The following NPRL2 variants were observed in gnomAD, a reference collection of about 807,000 sequenced individuals.
NPRL2 encodes NPR2 like, GATOR1 complex subunit.
A neutral mutation model predicts 51.1 loss-of-function variants in NPRL2; 21 were observed. The observed-to-expected ratio is 0.41, with a 90% CI of 0.29 to 0.59. The LOEUF is 0.59. NPRL2 is among the 20% of genes least tolerant of loss of function. NPRL2 has a pLI of 0.29. For synonymous variants in NPRL2, 175 were observed against 187.8 expected (o/e 0.93, Z 0.56); for missense variants, 376 against 483.4 (o/e 0.78, Z 2.08).
Position 50,347,517 on chromosome 3 carries a change from G to A in NPRL2, c.*89C>T. Reference sequence around the variant, plus strand: ...TTTGAAATGGATGTCTTTATTTACAGAACTAAGAGTCAACCTCTAGACAGT... The same window carrying A: ...TTTGAAATGGATGTCTTTATTTACAAAACTAAGAGTCAACCTCTAGACAGT... On this transcript the variant is annotated 3_prime_UTR_variant, in exon 11 of 11. Coordinates refer to ENST00000232501, the MANE Select transcript of NPRL2 (RefSeq NM_006545.5). 2 of 1,514,382 alleles carry A rather than the reference G, an allele frequency of 1.3e-6. No homozygotes were observed. The highest frequency in any genetic ancestry group is 1.8e-6 in the Non-Finnish European group (2 of 1,092,710). The allele number at this position is 1,514,382 out of a possible 1,614,324, so 93.8% of individuals were successfully genotyped here.
In NPRL2 at chr3:50,350,183, G is replaced by A. The variant is rs587767518; in HGVS notation, c.79-161C>T. Reference sequence around the variant, plus strand: ...TACTTCTTTCTGTTTCCAAACATACGCTATGATCTCACCTCCTTCCTGGCT... The same window carrying A: ...TACTTCTTTCTGTTTCCAAACATACACTATGATCTCACCTCCTTCCTGGCT... On this transcript the variant is annotated intron_variant, in intron 1 of 10. Transcript: ENST00000232501. The surrounding 1 kb of genome is among the most constrained non-coding windows in gnomAD (Gnocchi z 5.7). 290 of 627,344 alleles carry A rather than the reference G, an allele frequency of 4.6e-4. No individual in the cohort carries two copies. The highest frequency in any genetic ancestry group is 7.3e-4 in the Non-Finnish European group (259 of 355,678). 38.9% of individuals were successfully genotyped at this position (627,344 alleles called of 1,614,324 possible). A position where few individuals can be genotyped will look rare whatever the true frequency, so the allele number is the denominator to read the frequency against.
Position 50,348,523 on chromosome 3 carries a change from C to A in NPRL2, c.720+4G>T, listed in dbSNP as rs1409712495. The A allele has an allele frequency of 3.7e-6, 6 of 1,614,126 alleles. No individual in the cohort carries two copies. In the East Asian group the frequency reaches 1.1e-4, roughly 30 times the overall value. On this transcript the variant is annotated splice_donor_region_variant and intron_variant, in intron 7 of 10. Transcript: ENST00000232501. This position sits in a 1 kb window ranked among gnomAD's most constrained non-coding sequence, Gnocchi z 5.8. ...CTCCACTTAACCAAACCCAACTCAC[C>A]TACCTGGAGGATGGACACCAGTGTC...
Position 50,350,120 on chromosome 3 carries a change from C to T in NPRL2, c.79-98G>A. On this transcript the variant is annotated intron_variant, in intron 1 of 10. Transcript: ENST00000232501. This position sits in a 1 kb window ranked among gnomAD's most constrained non-coding sequence, Gnocchi z 5.7. ...ATGCCCCCCAAGCCCAAGTCCTCTT[C>T]TCCAGCGTTCCCCTCTCTCCCATCC... is the stretch of plus-strand genomic sequence containing the variant. 2.1e-6 allele frequency: 2 copies of T among 936,790 alleles called. No individual in the cohort carries two copies. Among genetic ancestry groups the T allele is most frequent in the Non-Finnish European group, 3.4e-6 (2 of 589,698 alleles). 58.0% of individuals were successfully genotyped at this position (936,790 alleles called of 1,614,324 possible).
Position 50,349,586 on chromosome 3 carries a change from G to T in NPRL2, c.339+79C>A, listed in dbSNP as rs1212652891. The T allele has an allele frequency of 2.5e-6, 4 of 1,608,632 alleles. No homozygotes were observed. The highest frequency in any genetic ancestry group is 3.4e-6 in the Non-Finnish European group (4 of 1,176,020). On this transcript the variant is annotated intron_variant, in intron 3 of 10. Coordinates refer to ENST00000232501, the MANE Select transcript of NPRL2 (RefSeq NM_006545.5). The surrounding 1 kb of genome is among the most constrained non-coding windows in gnomAD (Gnocchi z 4.6). ...CCTGAGCTGGTTTGCAGGGTCCCAG[G>T]TTTGGGGGACTTTGGAGACATGGGA...
rs371354092 is a variant in NPRL2 at position 50,349,714 on chromosome 3, G to A, written c.290C>T (p.Ala97Val). 20 of 1,613,852 alleles carry A rather than the reference G, an allele frequency of 1.2e-5. No individual in the cohort carries two copies. In the South Asian group the frequency reaches 1.9e-4, roughly 15 times the overall value. ...CAGCTTTTTAACAATGGGCTCGAGG[G>A]CGCAGGTCTTGGCCTGGGCATCACA... ...FVCDAQAKTC[A>V]LEPIVKKLAG... The change falls in exon 3 of 11, where the codon GCC becomes GTC. Residue 97 changes from alanine (A) to valine (V), a missense_variant. Ala to Val is a moderately conservative substitution (Grantham distance 64, BLOSUM62 0). Coordinates refer to ENST00000232501, the MANE Select transcript of NPRL2 (RefSeq NM_006545.5). The surrounding 1 kb of genome is among the most constrained non-coding windows in gnomAD (Gnocchi z 4.6).
chr3:50,350,167 C>A lies in NPRL2; in HGVS notation c.79-145G>T. The A allele has an allele frequency of 1.5e-6, 1 of 662,636 alleles. No individual in the cohort carries two copies. Among genetic ancestry groups the A allele is most frequent in the East Asian group, 2.6e-5 (1 of 37,738 alleles). The allele number at this position is 662,636 out of a possible 1,614,324, so 41.0% of individuals were successfully genotyped here. The stretch of plus-strand genomic sequence containing the variant: ...ATCCACTCAGGCCTATTACTTCTTT[C>A]TGTTTCCAAACATACGCTATGATCT... On this transcript the variant is annotated intron_variant, in intron 1 of 10. Transcript: ENST00000232501. This position sits in a 1 kb window ranked among gnomAD's most constrained non-coding sequence, Gnocchi z 5.7.
At position 50,350,147 on chromosome 3, in the gene NPRL2, C is replaced by T. The variant is rs2109368867; in HGVS notation, c.79-125G>A. 3 of 738,524 alleles carry T rather than the reference C, an allele frequency of 4.1e-6. No homozygotes were observed. In the South Asian group the frequency reaches 4.9e-5, roughly 12 times the overall value. The allele number at this position is 738,524 out of a possible 1,614,324, so 45.7% of individuals were successfully genotyped here. On this transcript the variant is annotated intron_variant, in intron 1 of 10. Coordinates refer to ENST00000232501, the MANE Select transcript of NPRL2 (RefSeq NM_006545.5). This position sits in a 1 kb window ranked among gnomAD's most constrained non-coding sequence, Gnocchi z 5.7. ...CCAGCGTTCCCCTCTCTCCCATCCA[C>T]TCAGGCCTATTACTTCTTTCTGTTT...
Position 50,349,040 on chromosome 3 carries a change from G to T in NPRL2, c.449-30C>A. 6.2e-7 allele frequency: 1 copy of T among 1,604,266 alleles called. No individual in the cohort carries two copies. Reference sequence around the variant, plus strand: ...AGGGGGCCCCATCCATATCCTCAGTGCCACTTCTTCCAAGAGGTCCTCAAT... The same window carrying T: ...AGGGGGCCCCATCCATATCCTCAGTTCCACTTCTTCCAAGAGGTCCTCAAT... On this transcript the variant is annotated intron_variant, in intron 4 of 10. Coordinates refer to ENST00000232501, the MANE Select transcript of NPRL2 (RefSeq NM_006545.5). The surrounding 1 kb of genome is among the most constrained non-coding windows in gnomAD (Gnocchi z 4.6).
rs780114553 is a variant in NPRL2, at chr3:50,350,600, G to A, written c.53C>T (p.Thr18Met). The A allele has an allele frequency of 6.2e-7, 1 of 1,609,492 alleles. No homozygotes were observed. Among genetic ancestry groups the A allele is most frequent in the South Asian group, 1.1e-5 (1 of 90,202 alleles). Reference protein sequence around the residue: ...ECIFFSEFHPTLGPKITYQVP... With the variant: ...ECIFFSEFHPMLGPKITYQVP... ...CTGATAGGTGATCTTGGGTCCCAGCGTGGGGTGGAACTCGCTGAAGAATAT... is the reference window on the plus strand; with the variant it reads ...CTGATAGGTGATCTTGGGTCCCAGCATGGGGTGGAACTCGCTGAAGAATAT... Residue 18 changes from threonine to methionine, a missense_variant, in exon 1 of 11, where the codon ACG (threonine) becomes ATG (methionine). Coordinates refer to ENST00000232501, the MANE Select transcript of NPRL2 (RefSeq NM_006545.5). This position sits in a 1 kb window ranked among gnomAD's most constrained non-coding sequence, Gnocchi z 5.7.
chr3:50,348,355 G>T lies in NPRL2; in HGVS notation c.776C>A (p.Ser259Tyr), dbSNP rs753256395. The T allele has an allele frequency of 1.9e-6, 3 of 1,613,948 alleles. No homozygotes were observed. Among genetic ancestry groups the T allele is most frequent in the South Asian group, 2.2e-5 (2 of 91,080 alleles). Residue 259 changes from serine to tyrosine, a missense_variant, in exon 8 of 11, where the codon TCC (serine) becomes TAC (tyrosine). Physicochemically the swap from Ser to Tyr is moderately radical, Grantham distance 144. Transcript: ENST00000232501. The surrounding 1 kb of genome is among the most constrained non-coding windows in gnomAD (Gnocchi z 5.8). ...GTAGGATAGACATGCCTCTTGCAGG[G>T]ACTTGTCATCTACCAGGTCCTGGAC... ...PKVQDLVDDK[S>Y]LQEACLSYVT...
chr3:50,348,489 T>A lies in NPRL2; in HGVS notation c.720+38A>T. 2 of 1,613,958 alleles carry A rather than the reference T, an allele frequency of 1.2e-6. No individual in the cohort carries two copies. Among genetic ancestry groups the A allele is most frequent in the Non-Finnish European group, 1.7e-6 (2 of 1,179,940 alleles). On this transcript the variant is annotated intron_variant, in intron 7 of 10. Coordinates refer to ENST00000232501, the MANE Select transcript of NPRL2 (RefSeq NM_006545.5). This position sits in a 1 kb window ranked among gnomAD's most constrained non-coding sequence, Gnocchi z 5.8. ...ACAGCCCTGGTCTGGTCCAGCCACA[T>A]GATCCACTCTCCACTTAACCAAACC...
intron 10 of NPRL2, 25 bp downstream of exon 10, chr3:50,347,734 A>C (rs1575559630): frequency 6.2e-7 from 1 of 1,613,544 alleles, no homozygotes; most frequent in Non-Finnish European, 8.5e-7. Flanking sequence ...CCCTGAACCC[A>C]CCCTGACTGC....
rs1349930784 is a variant in NPRL2 at position 50,349,194 on chromosome 3, G to A, written c.449-184C>T. ...AGGAATTGCCCAAGGGGCAGAGCTG[G>A]AGAGCTCTGCTTTCCCCCTACCCCC... is the stretch of plus-strand genomic sequence containing the variant. On this transcript the variant is annotated intron_variant, in intron 4 of 10. Transcript: ENST00000232501. The surrounding 1 kb of genome is among the most constrained non-coding windows in gnomAD (Gnocchi z 4.6). 2 of 859,072 alleles carry A rather than the reference G, an allele frequency of 2.3e-6. No individual in the cohort carries two copies. Among genetic ancestry groups the A allele is most frequent in the East Asian group, 5.3e-5 (2 of 37,734 alleles). The allele number at this position is 859,072 out of a possible 1,614,324, so 53.2% of individuals were successfully genotyped here.
In NPRL2 at chr3:50,350,536, G is replaced by A; in HGVS notation, c.78+39C>T. On this transcript the variant is annotated intron_variant, in intron 1 of 10. Transcript: ENST00000232501. The surrounding 1 kb of genome is among the most constrained non-coding windows in gnomAD (Gnocchi z 5.7). ...GGCAGCCAGTTGAGCTCTCGAGAAC[G>A]TCCCTCTTCCCGCCCAGTCCCGCGA... The A allele has an allele frequency of 6.4e-7, 1 of 1,571,076 alleles. No homozygotes were observed. The highest frequency in any genetic ancestry group is 8.7e-7 in the Non-Finnish European group (1 of 1,156,050).
chr3:50,350,418 GC>G lies in NPRL2; in HGVS notation c.78+156del. ...GTATGTCTTCCCTGCCACATTGGGA[GC>G]CGGGGGCCTGGGTCTGACTATCCTC... On this transcript the variant is annotated intron_variant, in intron 1 of 10. Transcript: ENST00000232501. The surrounding 1 kb of genome is among the most constrained non-coding windows in gnomAD (Gnocchi z 5.7). 1.3e-6 allele frequency: 1 copy of G among 741,844 alleles called. No individual in the cohort carries two copies. The highest frequency in any genetic ancestry group is 2.2e-6 in the Non-Finnish European group (1 of 459,822). The allele number at this position is 741,844 out of a possible 1,614,324, so 46.0% of individuals were successfully genotyped here.
chr3:50,349,583 C>G lies in NPRL2; in HGVS notation c.339+82G>C. The G allele has an allele frequency of 6.2e-7, 1 of 1,609,414 alleles. No individual in the cohort carries two copies. On this transcript the variant is annotated intron_variant, in intron 3 of 10. Coordinates refer to ENST00000232501, the MANE Select transcript of NPRL2 (RefSeq NM_006545.5). The surrounding 1 kb of genome is among the most constrained non-coding windows in gnomAD (Gnocchi z 4.6). ...AGTCCTGAGCTGGTTTGCAGGGTCC[C>G]AGGTTTGGGGGACTTTGGAGACATG... is the stretch of plus-strand genomic sequence containing the variant.
Position 50,350,742 on chromosome 3 carries a change from G to A in NPRL2, c.-90C>T. On this transcript the variant is annotated 5_prime_UTR_variant, in exon 1 of 11. Transcript: ENST00000232501. The surrounding 1 kb of genome is among the most constrained non-coding windows in gnomAD (Gnocchi z 5.7). ...GAACACTTGTCAGAGACAGCCTCGAGGCCTGTGTCGCTGGGGCACGCAAGC... is the reference window on the plus strand; with the variant it reads ...GAACACTTGTCAGAGACAGCCTCGAAGCCTGTGTCGCTGGGGCACGCAAGC... The A allele has an allele frequency of 6.6e-7, 1 of 1,510,680 alleles. No individual in the cohort carries two copies. Among genetic ancestry groups the A allele is most frequent in the Middle Eastern group, 1.7e-4 (1 of 5,820 alleles). The allele number at this position is 1,510,680 out of a possible 1,614,324, so 93.6% of individuals were successfully genotyped here.
rs967115752 is a variant in NPRL2 at position 50,347,505 on chromosome 3, T to A, written c.*101A>T. The A allele has an allele frequency of 2.8e-5, 40 of 1,449,512 alleles. No homozygotes were observed. The highest frequency in any genetic ancestry group is 3.7e-5 in the Non-Finnish European group (38 of 1,036,150). The allele number at this position is 1,449,512 out of a possible 1,614,324, so 89.8% of individuals were successfully genotyped here. ...CAATAAAGGCTGTTTGAAATGGATG[T>A]CTTTATTTACAGAACTAAGAGTCAA... On this transcript the variant is annotated 3_prime_UTR_variant, in exon 11 of 11. Transcript: ENST00000232501.
At position 50,350,710 on chromosome 3, in the gene NPRL2, C is replaced by T; in HGVS notation, c.-58G>A. ...GTTCCTCGCGCAGAGGCGTCCCCAC[C>T]TCCTGTGAACACTTGTCAGAGACAG... On this transcript the variant is annotated 5_prime_UTR_variant, in exon 1 of 11. Coordinates refer to ENST00000232501, the MANE Select transcript of NPRL2 (RefSeq NM_006545.5). This position sits in a 1 kb window ranked among gnomAD's most constrained non-coding sequence, Gnocchi z 5.7. 1 of 1,551,638 alleles carries T rather than the reference C, an allele frequency of 6.4e-7. No individual in the cohort carries two copies. The highest frequency in any genetic ancestry group is 8.7e-7 in the Non-Finnish European group (1 of 1,148,936).
Sources: gnomAD v4.1 joint callset for allele counts on GRCh38, gnomAD v4.1.1 for gene constraint, Gnocchi (gnomAD v3.1) non-coding constraint, MANE v1.5 for transcripts, NCBI Gene and HGNC (gene_info 2026-07-23, HGNC 2026-07-21) for gene names.